The following SLC2A9 variants were observed in gnomAD, a reference collection of about 807,000 sequenced individuals.
SLC2A9 encodes solute carrier family 2 member 9.
SLC2A9 carries 39 observed loss-of-function variants against 50.6 expected under a neutral mutation model. The observed-to-expected ratio is 0.77, with a 90% CI of 0.60 to 1.01. The LOEUF (loss-of-function observed/expected upper bound fraction) is 1.01, where lower values mean the gene tolerates loss of function less well. Ranked by LOEUF, SLC2A9 falls within the 50% of genes least tolerant of loss-of-function variation. The pLI, the probability that SLC2A9 is intolerant of heterozygous loss-of-function variation, is 0.00. For synonymous variants in SLC2A9, 324 were observed against 276.9 expected (o/e 1.17, Z -1.69); for missense variants, 686 against 677.6 (o/e 1.01, Z -0.14).
At chr4:10,030,994 T>C (rs1466027915) in intron 1 of SLC2A9, among the ~76,000 whole-genome samples, 1 of 152,182 alleles carries the variant, frequency 6.6e-6, no homozygotes, top group Non-Finnish European at 1.5e-5. Flanking sequence ...CGCCTCTGCT[T>C]TCTATCATGT....
chr4:9,963,597 G>A (rs1167535495), intron 5 of SLC2A9, among the ~76,000 whole-genome samples: 2 of 152,188 alleles, frequency 1.3e-5, no homozygotes, highest in African/African-American at 4.8e-5. Context: ...GCAGAGATGG[G>A]GACAGCTGAT....
chr4:10,002,386 T>G (rs1024052758), intron 2 of SLC2A9, among the ~76,000 whole-genome samples: 3 of 152,206 alleles, frequency 2.0e-5, no homozygotes, highest in Non-Finnish European at 2.9e-5. Flanking sequence ...ACAAGGGGCC[T>G]GAGAGTTATA....
intron 3 of SLC2A9, among the ~76,000 whole-genome samples, chr4:9,816,946 G>A (rs1172330747): frequency 6.6e-6 from 1 of 152,146 alleles, no homozygotes; most frequent in Non-Finnish European, 1.5e-5. Context: ...GCAACACCTT[G>A]GAATCTTTAG....
intron 2 of SLC2A9, among the ~76,000 whole-genome samples, chr4:10,001,749 G>A (rs1020331330): frequency 6.6e-6 from 1 of 152,130 alleles, no homozygotes; most frequent in Admixed American, 6.5e-5. Context: ...ACCTGACATT[G>A]ACCATTTAGT....
downstream of SLC2A9, among the ~76,000 whole-genome samples, chr4:9,779,135 G>A (rs539577517): frequency 1.3e-5 from 2 of 152,294 alleles, no homozygotes; most frequent in Admixed American, 1.3e-4. Context: ...AGCTCAGAGA[G>A]ATCAAGCGAC....
chr4:9,949,789 C>G (rs1294443430), intron 5 of SLC2A9, among the ~76,000 whole-genome samples: 1 of 152,198 alleles, frequency 6.6e-6, no homozygotes, highest in East Asian at 1.9e-4. Flanking sequence ...AGTGATCACT[C>G]AAGCTCAACT....
upstream of SLC2A9, chr4:10,025,798 C>T (rs1763729876): frequency 1.5e-5 from 16 of 1,076,406 alleles, no homozygotes; most frequent in Non-Finnish European, 1.8e-5. Flanking sequence ...CTTTTCTCTG[C>T]CCAGCTTCAC....
intron 10 of SLC2A9, among the ~76,000 whole-genome samples, chr4:9,850,537 C>T (rs1729711992): frequency 6.6e-6 from 1 of 152,156 alleles, no homozygotes; most frequent in Non-Finnish European, 1.5e-5. Flanking sequence ...AGGGCAGTAT[C>T]AGATGCCCAA....
At chr4:9,912,933 G>T (rs994684877) in intron 7 of SLC2A9, among the ~76,000 whole-genome samples, 2 of 152,234 alleles carry the variant, frequency 1.3e-5, no homozygotes, top group African/African-American at 4.8e-5. Context: ...GAGAGAAGAC[G>T]TAAGGATGGA....
In SLC2A9 at chr4:9,865,631, T is replaced by A. The variant is rs116106080; in HGVS notation, c.1291+21936A>T. Among the ~76,000 whole-genome samples, 595 of 152,324 alleles carry A rather than the reference T, an allele frequency of 3.9e-3. 1 individual carries two copies. The highest frequency in any genetic ancestry group is 0.014 in the Middle Eastern group (4 of 294). ...TATAGTTCTTCTTGCATAATAGCTCTCAAGGTGGAGGCTTAGGGAGGCTGG... is the reference window on the plus strand; with the variant it reads ...TATAGTTCTTCTTGCATAATAGCTCACAAGGTGGAGGCTTAGGGAGGCTGG... On this transcript the variant is annotated intron_variant, in intron 10 of 11. Transcript: ENST00000264784.
intron 10 of SLC2A9, among the ~76,000 whole-genome samples, chr4:9,847,374 T>C (rs1042530469): frequency 6.6e-6 from 1 of 152,150 alleles, no homozygotes; most frequent in Non-Finnish European, 1.5e-5. Flanking sequence ...CTCACTATCA[T>C]GAGAACAGCA....
intron 5 of SLC2A9, among the ~76,000 whole-genome samples, chr4:9,955,264 G>A (rs1751029736): frequency 9.0e-6 from 1 of 111,288 alleles, no homozygotes; most frequent in Non-Finnish European, 1.8e-5. Context: ...AGGCCGAGGC[G>A]GGTGGATCAC....
chr4:9,851,091 C>T (rs1729826768), intron 10 of SLC2A9, among the ~76,000 whole-genome samples: 1 of 152,206 alleles, frequency 6.6e-6, no homozygotes, highest in Admixed American at 6.5e-5. Context: ...GCACGTGCAC[C>T]CCACTGCACT....
chr4:9,786,289 A>T (rs1469551191), intron 3 of SLC2A9, among the ~76,000 whole-genome samples: 1 of 152,210 alleles, frequency 6.6e-6, no homozygotes, highest in Admixed American at 6.5e-5. Context: ...CTAAATAACC[A>T]GCCTGTGGTC....
rs539467399 is a variant in SLC2A9, at chr4:9,855,541, C to G, written c.1292-20533G>C. The stretch of plus-strand genomic sequence containing the variant: ...GTATTGTTAAAATGGTCATAGTGCC[C>G]AAAGCAATTTACAGATTCAATGCAA... On this transcript the variant is annotated intron_variant, in intron 10 of 11. Coordinates refer to ENST00000264784, the MANE Select transcript of SLC2A9 (RefSeq NM_020041.3). Among the ~76,000 whole-genome samples, 11 of 152,126 alleles carry G rather than the reference C, an allele frequency of 7.2e-5. No individual in the cohort carries two copies. In the South Asian group the frequency reaches 2.1e-3, roughly 29 times the overall value.
At chr4:9,943,376 T>C (rs901160615) in intron 5 of SLC2A9, among the ~76,000 whole-genome samples, 1 of 152,196 alleles carries the variant, frequency 6.6e-6, no homozygotes, top group Non-Finnish European at 1.5e-5. Context: ...CCAGCCAGCA[T>C]AGCCCTTCCA....
intron 3 of SLC2A9, among the ~76,000 whole-genome samples, chr4:9,805,695 T>G (rs1355942994): frequency 2.7e-5 from 4 of 148,430 alleles, no homozygotes; most frequent in Non-Finnish European, 5.9e-5. Flanking sequence ...CAGTTTTTTT[T>G]TTTTTTTTTT....
At chr4:9,825,763 A>G (rs755754138), downstream of SLC2A9, among the ~76,000 whole-genome samples, 25 of 152,324 alleles carry the variant, frequency 1.6e-4, no homozygotes, top group Middle Eastern at 3.4e-3. Context: ...ACAGTTTGGG[A>G]AAGACAAAAT....
intron 6 of SLC2A9, among the ~76,000 whole-genome samples, chr4:9,926,136 C>G (rs920266109): frequency 6.6e-6 from 1 of 152,058 alleles, no homozygotes; most frequent in Non-Finnish European, 1.5e-5. Context: ...CTGGGAGTGC[C>G]CCCTGAGCAA....
Sources: gnomAD v4.1 joint callset for allele counts (sites outside exome capture counted in the v4.1 genomes callset) on GRCh38, gnomAD v4.1.1 for gene constraint, MANE v1.5 for transcripts, NCBI Gene and HGNC (gene_info 2026-07-23, HGNC 2026-07-21) for gene names.